Variants in STYX observed in about 807,000 individuals in gnomAD.
The protein encoded by STYX is serine/threonine/tyrosine interacting protein, also known as serine/threonine/tyrosine-interacting protein.
Under a neutral mutation model 42.7 loss-of-function variants are expected in STYX, and 20 were observed. The observed-to-expected ratio is 0.47, with a 90% CI of 0.33 to 0.68. STYX has a LOEUF of 0.68. Ranked by LOEUF, STYX falls within the 30% of genes least tolerant of loss-of-function variation. The pLI, the probability that STYX is intolerant of heterozygous loss-of-function variation, is 0.02. For missense variants in STYX, 226 were observed against 268.5 expected, an observed-to-expected ratio of 0.84 and a Z score of 1.11; for synonymous variants, 78 against 81.9, an observed-to-expected ratio of 0.95 and a Z score of 0.26.
chr14:52,746,082 T>G (rs1361077946), intron 2 of STYX, among the ~76,000 whole-genome samples: 1 of 152,212 alleles, frequency 6.6e-6, no homozygotes, highest in South Asian at 2.1e-4. Context: ...CTGGCAAATA[T>G]TTGAATTTGG....
intron 9 of STYX, among the ~76,000 whole-genome samples, chr14:52,767,228 G>A (rs1425344214): frequency 1.3e-5 from 2 of 152,302 alleles, no homozygotes; most frequent in African/African-American, 4.8e-5. Context: ...TGGGAGCATA[G>A]TTCTTAGAAG....
At position 52,730,551 on chromosome 14, in the gene STYX, G is replaced by A. The variant is rs747081441; in HGVS notation, c.57+20G>A. The A allele has an allele frequency of 6.2e-7, 1 of 1,611,484 alleles. No individual in the cohort carries two copies. Among genetic ancestry groups the A allele is most frequent in the African/African-American group, 1.3e-5 (1 of 74,998 alleles). Reference sequence around the variant, plus strand: ...GCCGAGGTGAGTCGCTCCCGTGGCTGCCACGCACAGGCCTCTCCCTGTGGC... The same window carrying A: ...GCCGAGGTGAGTCGCTCCCGTGGCTACCACGCACAGGCCTCTCCCTGTGGC... On this transcript the variant is annotated intron_variant, in intron 1 of 10. Coordinates refer to ENST00000354586, the MANE Select transcript of STYX (RefSeq NM_145251.4).
chr14:52,761,570 T>TC (rs1882095664), intron 9 of STYX, among the ~76,000 whole-genome samples: 1 of 144,160 alleles, frequency 6.9e-6, no homozygotes, highest in Non-Finnish European at 1.5e-5. Flanking sequence ...CCAAAAGTTT[T>TC]TTTTTTTTTT....
At chr14:52,765,885 G>C (rs564176430) in intron 9 of STYX, among the ~76,000 whole-genome samples, 369 of 152,302 alleles carry the variant, frequency 2.4e-3, no homozygotes, top group Middle Eastern at 0.014. Context: ...CTCACCTCCT[G>C]CTGTGTGGCC....
chr14:52,751,464 G>A (rs1881607698), intron 4 of STYX, among the ~76,000 whole-genome samples: 1 of 152,190 alleles, frequency 6.6e-6, no homozygotes, highest in Admixed American at 6.5e-5. Flanking sequence ...GGATATAAGA[G>A]TATGAACATT....
At position 52,744,834 on chromosome 14, in the gene STYX, T is replaced by G. The variant is rs879939259; in HGVS notation, c.58-18T>G. On this transcript the variant is annotated intron_variant, in intron 1 of 10. Coordinates refer to ENST00000354586, the MANE Select transcript of STYX (RefSeq NM_145251.4). ...TTTTAAATGTTATCTACTTTTATTC[T>G]TATGTTTTCCTTCCCAGGAGTGGAC... 7 of 1,612,182 alleles carry G rather than the reference T, an allele frequency of 4.3e-6. No homozygotes were observed. Among genetic ancestry groups the G allele is most frequent in the Non-Finnish European group, 5.9e-6 (7 of 1,178,994 alleles).
At chr14:52,744,394 A>G (rs1349094662) in intron 1 of STYX, among the ~76,000 whole-genome samples, 1 of 152,270 alleles carries the variant, frequency 6.6e-6, no homozygotes, top group Non-Finnish European at 1.5e-5. Flanking sequence ...TACGTATGAC[A>G]TAGCATTCTT....
chr14:52,750,875 A>G (rs930919302), intron 4 of STYX, 95 bp downstream of exon 4: 3 of 749,784 alleles, frequency 4.0e-6, no homozygotes, highest in African/African-American at 3.6e-5. Flanking sequence ...AGTTTGTAAA[A>G]ATGGGTCATA....
chr14:52,764,027 C>T (rs1413804189), intron 9 of STYX, among the ~76,000 whole-genome samples: 1 of 152,106 alleles, frequency 6.6e-6, no homozygotes, highest in African/African-American at 2.4e-5. Flanking sequence ...GAGTCTTGCT[C>T]TGTGGCCCAG....
At chr14:52,770,997 T>C in intron 10 of STYX, 36 bp from the exon 11 acceptor site, 2 of 1,593,462 alleles carry the variant, frequency 1.3e-6, no homozygotes, top group Non-Finnish European at 8.6e-7. Flanking sequence ...TGAATTTATT[T>C]TAGTGCCCTT....
At position 52,730,397 on chromosome 14, in the gene STYX, C is replaced by T. The variant is rs1880643064; in HGVS notation, c.-78C>T. 1.3e-6 allele frequency: 2 copies of T among 1,522,880 alleles called. No homozygotes were observed. Among genetic ancestry groups the T allele is most frequent in the Admixed American group, 1.9e-5 (1 of 53,850 alleles). 94.3% of individuals were successfully genotyped at this position (1,522,880 alleles called of 1,614,324 possible). On this transcript the variant is annotated 5_prime_UTR_variant, in exon 1 of 11. Coordinates refer to ENST00000354586, the MANE Select transcript of STYX (RefSeq NM_145251.4). ...CCGCTCCGCCGGCCCTCCTTCCTTC[C>T]GCCGCCGCAGCCAGCCCGAGGGTCG...
chr14:52,752,365 T>C (rs1320674775), intron 4 of STYX, among the ~76,000 whole-genome samples: 1 of 151,812 alleles, frequency 6.6e-6, no homozygotes, highest in Non-Finnish European at 1.5e-5. Context: ...CTCAGGAGGC[T>C]GAGGCAGGAG....
At chr14:52,735,022 A>G (rs1168498474) in intron 1 of STYX, among the ~76,000 whole-genome samples, 3 of 151,760 alleles carry the variant, frequency 2.0e-5, no homozygotes, top group Non-Finnish European at 4.4e-5. Context: ...TAGCCACTGC[A>G]CTCCAGCCTG....
At chr14:52,744,550 C>G (rs1286774651) in intron 1 of STYX, among the ~76,000 whole-genome samples, 4 of 152,162 alleles carry the variant, frequency 2.6e-5, no homozygotes, top group African/African-American at 4.8e-5. Flanking sequence ...CTTAGAAGAT[C>G]AGTTTTGGGA....
chr14:52,749,465 A>G (rs117478473), intron 3 of STYX, among the ~76,000 whole-genome samples: 36 of 152,356 alleles, frequency 2.4e-4, no homozygotes, highest in Non-Finnish European at 4.6e-4. Context: ...CAATGTGTCA[A>G]GAAATTCAAG....
At chr14:52,734,971 G>A (rs921854410) in intron 1 of STYX, among the ~76,000 whole-genome samples, 4 of 151,886 alleles carry the variant, frequency 2.6e-5, no homozygotes, top group African/African-American at 9.7e-5. Context: ...GCAGGAGAAT[G>A]GCATGAACCC....
intron 4 of STYX, among the ~76,000 whole-genome samples, chr14:52,752,882 GT>G (rs1382888369): frequency 0.011 from 559 of 50,130 alleles, 2 homozygotes; most frequent in African/African-American, 0.026. Context: ...TGTTGTTGTT[GT>G]TTTTTTTTTT....
In STYX at chr14:52,772,806, C is replaced by T. The variant is rs1167206766; in HGVS notation, c.*1700C>T. On this transcript the variant is annotated 3_prime_UTR_variant, in exon 11 of 11. Transcript: ENST00000354586. ...TGATATTTCTCTTCTGATTTCCCTC[C>T]CCTTCCCTTCTCTTATCTTACCACT... is the stretch of plus-strand genomic sequence containing the variant. 6.6e-6 allele frequency: 1 copy of T among 151,658 alleles called. No homozygotes were observed. Among genetic ancestry groups the T allele is most frequent in the Admixed American group, 6.6e-5 (1 of 15,164 alleles). The allele number at this position is 151,658 out of a possible 1,614,324, so 9.4% of individuals were successfully genotyped here.
rs767176060 is a variant in STYX at position 52,758,932 on chromosome 14, A to G, written c.432-750A>G. ...CATGTATTGATGGACTTTATGTTTTATATATTGTTTTTATTATTTCGAATT... is the reference window on the plus strand; with the variant it reads ...CATGTATTGATGGACTTTATGTTTTGTATATTGTTTTTATTATTTCGAATT... On this transcript the variant is annotated intron_variant, in intron 8 of 10. Transcript: ENST00000354586. Among the ~76,000 whole-genome samples, 7 of 152,122 alleles carry G rather than the reference A, an allele frequency of 4.6e-5. No homozygotes were observed. In the South Asian group the frequency reaches 1.5e-3, roughly 32 times the overall value.
Sources: gnomAD v4.1 joint callset for allele counts (sites outside exome capture counted in the v4.1 genomes callset) on GRCh38, gnomAD v4.1.1 for gene constraint, MANE v1.5 for transcripts, NCBI Gene and HGNC (gene_info 2026-07-23, HGNC 2026-07-21) for gene names.